The following PPP2R3A variants were observed in gnomAD, a reference collection of about 807,000 sequenced individuals.
The protein encoded by PPP2R3A is protein phosphatase 2 regulatory subunit B''alpha, also known as serine/threonine-protein phosphatase 2A regulatory subunit B'' subunit alpha.
A neutral mutation model predicts 106.9 loss-of-function variants in PPP2R3A; 80 were observed. The observed-to-expected ratio is 0.75, with a 90% confidence interval of 0.62 to 0.90. The LOEUF (loss-of-function observed/expected upper bound fraction) is 0.90. PPP2R3A is among the 40% of genes least tolerant of loss of function. The pLI is 0.00. For synonymous variants in PPP2R3A, 483 were observed against 468.3 expected, an observed-to-expected ratio of 1.03 and a Z score of -0.41; for missense variants, 1,386 against 1,350.4, an observed-to-expected ratio of 1.03 and a Z score of -0.41.
intron 1 of PPP2R3A, among the ~76,000 whole-genome samples, chr3:135,992,289 C>G (rs1933200922): frequency 3.3e-5 from 5 of 152,102 alleles, no homozygotes; most frequent in Admixed American, 3.3e-4. Flanking sequence ...AATCATTACA[C>G]CTTGTGTTCT....
intron 9 of PPP2R3A, among the ~76,000 whole-genome samples, chr3:136,089,281 G>T (rs1277283280): frequency 6.6e-6 from 1 of 152,074 alleles, no homozygotes; most frequent in African/African-American, 2.4e-5. Flanking sequence ...TAAGGGTCTG[G>T]TTTCATTCTT....
intron 3 of PPP2R3A, among the ~76,000 whole-genome samples, chr3:136,040,568 GC>G (rs1402480313): frequency 2.6e-5 from 4 of 152,166 alleles, no homozygotes; most frequent in African/African-American, 9.7e-5. Flanking sequence ...GGGAAGGGAT[GC>G]TGTTTGCTTT....
chr3:136,147,200 C>G lies in PPP2R3A; in HGVS notation c.*2034C>G, dbSNP rs1412419287. The G allele has an allele frequency of 6.6e-6, 1 of 152,136 alleles. No individual in the cohort carries two copies. The highest frequency in any genetic ancestry group is 1.9e-4 in the East Asian group (1 of 5,176). The allele number at this position is 152,136 out of a possible 1,614,324, so 9.4% of individuals were successfully genotyped here. ...TGGGCAACATAGTGAGACTCCGTCT[C>G]TACAAAAAATAAATTTAGCTGGGCA... On this transcript the variant is annotated 3_prime_UTR_variant, in exon 14 of 14. Coordinates refer to ENST00000264977, the MANE Select transcript of PPP2R3A (RefSeq NM_002718.5).
At chr3:136,060,522 T>C (rs1181621357) in intron 5 of PPP2R3A, among the ~76,000 whole-genome samples, 1 of 152,112 alleles carries the variant, frequency 6.6e-6, no homozygotes, top group African/African-American at 2.4e-5. Context: ...ATCTGATTGT[T>C]TGAAAGTGTG....
chr3:136,116,231 T>C (rs1049583828), intron 13 of PPP2R3A, among the ~76,000 whole-genome samples: 1 of 151,894 alleles, frequency 6.6e-6, no homozygotes, highest in Non-Finnish European at 1.5e-5. Flanking sequence ...CTAAAAGAGC[T>C]CCTGAAGGAA....
intron 5 of PPP2R3A, chr3:136,055,784 C>G (rs566289171): frequency 2.5e-5 from 15 of 594,294 alleles, no homozygotes; most frequent in Middle Eastern, 3.2e-4. Flanking sequence ...AAACAAATTG[C>G]ACATACTGAT....
At chr3:136,130,438 A>G (rs566651411) in intron 13 of PPP2R3A, among the ~76,000 whole-genome samples, 1 of 152,202 alleles carries the variant, frequency 6.6e-6, no homozygotes, top group African/African-American at 2.4e-5. Flanking sequence ...AATACCTAGG[A>G]ATCCCACTTA....
At chr3:135,968,679 T>A (rs1937160214) in intron 1 of PPP2R3A, among the ~76,000 whole-genome samples, 1 of 152,158 alleles carries the variant, frequency 6.6e-6, no homozygotes, top group Non-Finnish European at 1.5e-5. Context: ...TTTGGTGGGT[T>A]CTGCTCCCTC....
intron 13 of PPP2R3A, among the ~76,000 whole-genome samples, chr3:136,110,479 A>G (rs757246666): frequency 6.6e-6 from 1 of 152,230 alleles, no homozygotes; most frequent in Non-Finnish European, 1.5e-5. Flanking sequence ...TACTGGCGTA[A>G]GAAATCCTCT....
At position 135,965,791 on chromosome 3, in the gene PPP2R3A, C is replaced by G. The variant is rs540774741; in HGVS notation, c.-499C>G. The G allele has an allele frequency of 1.3e-5, 2 of 152,380 alleles. No homozygotes were observed. The highest frequency in any genetic ancestry group is 4.1e-4 in the South Asian group (2 of 4,840). The allele number at this position is 152,380 out of a possible 1,614,324, so 9.4% of individuals were successfully genotyped here. A position where few individuals can be genotyped will look rare whatever the true frequency, so the allele number is the denominator to read the frequency against. The stretch of plus-strand genomic sequence containing the variant: ...CCCGAGAGTCCGCGCCGCGGGGAGG[C>G]TTGGAGGCAAGCGCTGCCCGCGAGC... On this transcript the variant is annotated 5_prime_UTR_variant, in exon 1 of 14. Coordinates refer to ENST00000264977, the MANE Select transcript of PPP2R3A (RefSeq NM_002718.5).
chr3:135,987,264 T>G (rs1932961835), intron 1 of PPP2R3A, among the ~76,000 whole-genome samples: 1 of 152,164 alleles, frequency 6.6e-6, no homozygotes, highest in Non-Finnish European at 1.5e-5. Flanking sequence ...GAAGACAGTT[T>G]ATTACTTATA....
At chr3:136,072,212 T>C (rs1936456029) in intron 6 of PPP2R3A, among the ~76,000 whole-genome samples, 1 of 152,198 alleles carries the variant, frequency 6.6e-6, no homozygotes, top group Non-Finnish European at 1.5e-5. Flanking sequence ...GCAGGAACTT[T>C]GTCTATGTCC....
At chr3:136,067,689 T>C (rs1936302446) in intron 5 of PPP2R3A, among the ~76,000 whole-genome samples, 1 of 152,160 alleles carries the variant, frequency 6.6e-6, no homozygotes, top group Non-Finnish European at 1.5e-5. Flanking sequence ...GAACAATATA[T>C]GGAATCAACC....
intron 10 of PPP2R3A, among the ~76,000 whole-genome samples, chr3:136,095,319 C>T (rs1420599332): frequency 6.6e-6 from 1 of 152,206 alleles, no homozygotes; most frequent in African/African-American, 2.4e-5. Context: ...CTTAGACCTC[C>T]TTTGGTGCTC....
chr3:136,119,767 A>G (rs1372938682), intron 13 of PPP2R3A, among the ~76,000 whole-genome samples: 1 of 152,218 alleles, frequency 6.6e-6, no homozygotes. Context: ...GTGGGAGTAT[A>G]AGTTAGTTCA....
At chr3:135,992,024 T>A (rs1376886379) in intron 1 of PPP2R3A, among the ~76,000 whole-genome samples, 1 of 152,168 alleles carries the variant, frequency 6.6e-6, no homozygotes, top group East Asian at 1.9e-4. Flanking sequence ...ATAAGAGATG[T>A]TGTATTTTCT....
intron 13 of PPP2R3A, among the ~76,000 whole-genome samples, chr3:136,137,559 T>TTTTTTTTTTTTTTTTTA: frequency 7.1e-6 from 1 of 141,694 alleles, no homozygotes; most frequent in Admixed American, 7.2e-5. Flanking sequence ...TTTTTTTTTT[T>TTTTTTTTTTTTTTTTTA]GAGATGGAGG....
intron 1 of PPP2R3A, among the ~76,000 whole-genome samples, chr3:135,993,637 ATG>A (rs1933268264): frequency 6.6e-6 from 1 of 152,246 alleles, no homozygotes; most frequent in Non-Finnish European, 1.5e-5. Context: ...AATAGCTCAA[ATG>A]TCCATCAGCT....
Position 136,071,917 on chromosome 3 carries a change from T to A in PPP2R3A, c.2544+1365T>A, listed in dbSNP as rs530439042. The stretch of plus-strand genomic sequence containing the variant: ...TTCCTACAGATTTCCACATTGTCAC[T>A]CCCTCACTTCATCCAGATATCTGCT... On this transcript the variant is annotated intron_variant, in intron 6 of 13. Coordinates refer to ENST00000264977, the MANE Select transcript of PPP2R3A (RefSeq NM_002718.5). Among the ~76,000 whole-genome samples, 13 of 152,250 alleles carry A rather than the reference T, an allele frequency of 8.5e-5. No individual in the cohort carries two copies. In the South Asian group the frequency reaches 2.5e-3, roughly 29 times the overall value.
Sources: allele counts gnomAD v4.1 joint callset (sites outside exome capture counted in the v4.1 genomes callset), GRCh38; gene constraint gnomAD v4.1.1; transcripts MANE v1.5; gene names NCBI Gene and HGNC (gene_info 2026-07-23, HGNC 2026-07-21).